Variants in CFL2 observed in about 807,000 individuals in gnomAD.
CFL2 encodes cofilin 2, also known as cofilin-2.
Under a neutral mutation model 19.6 loss-of-function variants are expected in CFL2, and 10 were observed. That is an observed-to-expected ratio of 0.51 (90% CI 0.31 to 0.86). CFL2 has a LOEUF of 0.86. CFL2 is among the 40% of genes least tolerant of loss of function. The probability of loss-of-function intolerance (pLI) is 0.04; values close to 1 mark genes in which losing one functional copy is unlikely to be tolerated. For synonymous variants in CFL2, 63 were observed against 66.7 expected, an observed-to-expected ratio of 0.95 and a Z score of 0.27; for missense variants, 125 against 192.1, an observed-to-expected ratio of 0.65 and a Z score of 2.06.
intron 1 of CFL2, 116 bp from the exon 2 acceptor site, chr14:34,713,677 G>A (rs1885397813): frequency 5.6e-6 from 9 of 1,613,228 alleles, no homozygotes; most frequent in Non-Finnish European, 7.6e-6. Context: ...ACCGTACCAT[G>A]TAAGTCGTCC....
chr14:34,714,531 G>T lies in CFL2; in HGVS notation c.3+7C>A. On this transcript the variant is annotated splice_region_variant and intron_variant, in intron 1 of 3. Transcript: ENST00000298159. ...CCGCGGCCTCCCGGCCAGCGCGCTC[G>T]TCTTACCATAGTGCCCTCGGCTGTG... The T allele has an allele frequency of 6.3e-7, 1 of 1,586,310 alleles. No individual in the cohort carries two copies.
At position 34,711,954 on chromosome 14, in the gene CFL2, T is replaced by C; in HGVS notation, c.*911A>G. On this transcript the variant is annotated 3_prime_UTR_variant, in exon 4 of 4. Coordinates refer to ENST00000298159, the MANE Select transcript of CFL2 (RefSeq NM_138638.5). Reference sequence around the variant, plus strand: ...AGATTAGTAATAGCTGTTTTTACCCTAGAAGTTGTTTCACATAACATTTTG... The same window carrying C: ...AGATTAGTAATAGCTGTTTTTACCCCAGAAGTTGTTTCACATAACATTTTG... The C allele has an allele frequency of 2.2e-6, 1 of 454,358 alleles. No individual in the cohort carries two copies. The highest frequency in any genetic ancestry group is 2.3e-5 in the Admixed American group (1 of 42,566). The allele number at this position is 454,358 out of a possible 1,614,324, so 28.1% of individuals were successfully genotyped here. A position where few individuals can be genotyped will look rare whatever the true frequency, so the allele number is the denominator to read the frequency against.
chr14:34,713,032 T>G (rs765464943), intron 3 of CFL2, 28 bp downstream of exon 3: 5 of 1,554,856 alleles, frequency 3.2e-6, no homozygotes, highest in Non-Finnish European at 4.4e-6. Flanking sequence ...AAGAATAATT[T>G]CTCTGCCCCA....
At chr14:34,714,256 C>G in intron 1 of CFL2, 1 of 445,640 alleles carries the variant, frequency 2.2e-6, no homozygotes, top group East Asian at 3.7e-5. Flanking sequence ...GCGGCGCGAG[C>G]GGCTGCAGTC....
Position 34,712,045 on chromosome 14 carries a change from A to AT in CFL2, c.*819dup, listed in dbSNP as rs1156584640. On this transcript the variant is annotated 3_prime_UTR_variant, in exon 4 of 4. Transcript: ENST00000298159. ...CCACAATTTTTATTGCAACGTGGCC[A>AT]TTTTTGTGAGGGTGGGGAGTTTGAT... 1 of 454,396 alleles carries AT rather than the reference A, an allele frequency of 2.2e-6. No homozygotes were observed. Among genetic ancestry groups the AT allele is most frequent in the Non-Finnish European group, 4.4e-6 (1 of 226,766 alleles). The allele number at this position is 454,396 out of a possible 1,614,324, so 28.1% of individuals were successfully genotyped here.
rs1594784592 is a variant in CFL2, at chr14:34,713,143, A to G, written c.312-7T>C. 3 of 743,042 alleles carry G rather than the reference A, an allele frequency of 4.0e-6. No individual in the cohort carries two copies. The highest frequency in any genetic ancestry group is 6.2e-5 in the African/African-American group (1 of 16,012). The allele number at this position is 743,042 out of a possible 1,614,324, so 46.0% of individuals were successfully genotyped here. A position where few individuals can be genotyped will look rare whatever the true frequency, so the allele number is the denominator to read the frequency against. The stretch of plus-strand genomic sequence containing the variant: ...AGGTGCACTTTCAGGAGCCCTACAG[A>G]AAAAAAAAAAATTATTGAATCCCAT... On this transcript the variant is annotated splice_region_variant and splice_polypyrimidine_tract_variant and intron_variant, in intron 2 of 3. Coordinates refer to ENST00000298159, the MANE Select transcript of CFL2 (RefSeq NM_138638.5).
At chr14:34,714,515 C>T (rs776853901) in intron 1 of CFL2, 23 bp downstream of exon 1, 10 of 1,576,424 alleles carry the variant, frequency 6.3e-6, no homozygotes, top group Non-Finnish European at 8.6e-6. Flanking sequence ...GCCGCGGCCT[C>T]CCGGCCAGCG....
In CFL2 at chr14:34,714,441, G is replaced by A. The variant is rs1885425710; in HGVS notation, c.3+97C>T. Reference sequence around the variant, plus strand: ...GCAGAGCAGAAGCGCCCACCTTGGAGGCCAAAATCAGGTTAAAATGGCGGC... The same window carrying A: ...GCAGAGCAGAAGCGCCCACCTTGGAAGCCAAAATCAGGTTAAAATGGCGGC... On this transcript the variant is annotated intron_variant, in intron 1 of 3. Transcript: ENST00000298159. 6.1e-6 allele frequency: 9 copies of A among 1,478,108 alleles called. No individual in the cohort carries two copies. The Admixed American group carries it at 7.0e-5, about 12-fold the overall frequency. 91.6% of individuals were successfully genotyped at this position (1,478,108 alleles called of 1,614,324 possible). A position where few individuals can be genotyped will look rare whatever the true frequency, so the allele number is the denominator to read the frequency against.
Position 34,713,581 on chromosome 14 carries a change from A to G in CFL2, c.4-20T>C. 2 of 1,614,070 alleles carry G rather than the reference A, an allele frequency of 1.2e-6. No individual in the cohort carries two copies. The highest frequency in any genetic ancestry group is 1.7e-6 in the Non-Finnish European group (2 of 1,179,954). ...AGAAGCCTGAAAATAAACACAGAAC[A>G]GTAATTCAGAACACGTATTTTGGTT... On this transcript the variant is annotated intron_variant, in intron 1 of 3. Coordinates refer to ENST00000298159, the MANE Select transcript of CFL2 (RefSeq NM_138638.5).
At chr14:34,714,419 G>C in intron 1 of CFL2, 119 bp downstream of exon 1, 7 of 1,428,042 alleles carry the variant, frequency 4.9e-6, no homozygotes, top group Middle Eastern at 4.9e-4. Context: ...CGGAGCCGCA[G>C]AGCAGAAGCG....
In CFL2 at chr14:34,712,509, G is replaced by A; in HGVS notation, c.*356C>T. ...AAAAAAGTTGACCATCTGACCAGTG[G>A]ATAATACTTTCAAGGCATTCAATTA... is the stretch of plus-strand genomic sequence containing the variant. On this transcript the variant is annotated 3_prime_UTR_variant, in exon 4 of 4. Coordinates refer to ENST00000298159, the MANE Select transcript of CFL2 (RefSeq NM_138638.5). 1 of 466,678 alleles carries A rather than the reference G, an allele frequency of 2.1e-6. No individual in the cohort carries two copies. Among genetic ancestry groups the A allele is most frequent in the Non-Finnish European group, 4.2e-6 (1 of 235,350 alleles). The allele number at this position is 466,678 out of a possible 1,614,324, so 28.9% of individuals were successfully genotyped here. A position where few individuals can be genotyped will look rare whatever the true frequency, so the allele number is the denominator to read the frequency against.
intron 1 of CFL2, chr14:34,714,219 A>C: frequency 2.5e-6 from 1 of 403,756 alleles, no homozygotes; most frequent in Non-Finnish European, 4.4e-6. Context: ...TCGCGTGTTA[A>C]GTAAAATTAG....
Position 34,713,496 on chromosome 14 carries a change from A to T in CFL2, c.69T>A (p.Ser23=). Residue 23 remains serine, a synonymous_variant, in exon 2 of 4, where the codon TCT becomes TCA. Coordinates refer to ENST00000298159, the MANE Select transcript of CFL2 (RefSeq NM_138638.5). The part of the protein sequence containing the change: ...KVFNDMKVRK[S]STQEEIKKRK... Reference sequence around the variant, plus strand: ...TCTTTTTGATCTCCTCTTGTGTAGAAGATTTCCTTACTTTCATATCATTAA... The same window carrying T: ...TCTTTTTGATCTCCTCTTGTGTAGATGATTTCCTTACTTTCATATCATTAA... 1 of 1,613,988 alleles carries T rather than the reference A, an allele frequency of 6.2e-7. No homozygotes were observed. The highest frequency in any genetic ancestry group is 1.1e-5 in the South Asian group (1 of 91,080).
Position 34,713,519 on chromosome 14 carries a change from T to C in CFL2, c.46A>G (p.Asn16Asp), listed in dbSNP as rs1885391147. The C allele has an allele frequency of 1.2e-6, 2 of 1,613,930 alleles. No homozygotes were observed. The highest frequency in any genetic ancestry group is 1.3e-5 in the African/African-American group (1 of 74,920). ...TVNDEVIKVF[N>D]DMKVRKSSTQ... ...GAAGATTTCCTTACTTTCATATCAT[T>C]AAAAACTTTGATGACTTCATCATTC... is the stretch of plus-strand genomic sequence containing the variant. Residue 16 changes from asparagine (N) to aspartate (D), a missense_variant, in exon 2 of 4, where the codon AAT becomes GAT. Coordinates refer to ENST00000298159, the MANE Select transcript of CFL2 (RefSeq NM_138638.5).
rs771461390 is a variant in CFL2 at position 34,712,145 on chromosome 14, T to A, written c.*720A>T. ...TGACTGATATTCAAAATATCTTTAG[T>A]GTTGCAGGACTCACATGGTAAACAT... On this transcript the variant is annotated 3_prime_UTR_variant, in exon 4 of 4. Transcript: ENST00000298159. 20 of 454,420 alleles carry A rather than the reference T, an allele frequency of 4.4e-5. No homozygotes were observed. Among genetic ancestry groups the A allele is most frequent in the Non-Finnish European group, 1.8e-5 (4 of 226,796 alleles). The allele number at this position is 454,420 out of a possible 1,614,324, so 28.1% of individuals were successfully genotyped here.
intron 1 of CFL2, 29 bp downstream of exon 1, chr14:34,714,509 C>A: frequency 1.3e-6 from 2 of 1,569,802 alleles, no homozygotes; most frequent in East Asian, 2.4e-5. Context: ...CGCCTCGCCG[C>A]GGCCTCCCGG....
intron 1 of CFL2, chr14:34,714,072 A>G: frequency 5.1e-6 from 2 of 395,060 alleles, no homozygotes; most frequent in South Asian, 3.3e-5. Flanking sequence ...TAACTGATCG[A>G]GTGTAAAAGC....
In CFL2 at chr14:34,713,141, A is replaced by G. The variant is rs2138473773; in HGVS notation, c.312-5T>C. The G allele has an allele frequency of 3.9e-6, 6 of 1,555,968 alleles. No individual in the cohort carries two copies. Among genetic ancestry groups the G allele is most frequent in the East Asian group, 2.4e-5 (1 of 42,448 alleles). On this transcript the variant is annotated splice_region_variant and splice_polypyrimidine_tract_variant and intron_variant, in intron 2 of 3. Coordinates refer to ENST00000298159, the MANE Select transcript of CFL2 (RefSeq NM_138638.5). ...AAAGGTGCACTTTCAGGAGCCCTAC[A>G]GAAAAAAAAAAAATTATTGAATCCC...
At position 34,712,498 on chromosome 14, in the gene CFL2, T is replaced by C. The variant is rs1259697477; in HGVS notation, c.*367A>G. Reference sequence around the variant, plus strand: ...AAATAATACTGAAAAAAGTTGACCATCTGACCAGTGGATAATACTTTCAAG... The same window carrying C: ...AAATAATACTGAAAAAAGTTGACCACCTGACCAGTGGATAATACTTTCAAG... On this transcript the variant is annotated 3_prime_UTR_variant, in exon 4 of 4. Coordinates refer to ENST00000298159, the MANE Select transcript of CFL2 (RefSeq NM_138638.5). The C allele has an allele frequency of 2.2e-6, 1 of 462,548 alleles. No homozygotes were observed. Among genetic ancestry groups the C allele is most frequent in the East Asian group, 6.8e-5 (1 of 14,786 alleles). 28.7% of individuals were successfully genotyped at this position (462,548 alleles called of 1,614,324 possible).
Sources: gnomAD v4.1 joint callset for allele counts on GRCh38, gnomAD v4.1.1 for gene constraint, MANE v1.5 for transcripts, NCBI Gene and HGNC (gene_info 2026-07-23, HGNC 2026-07-21) for gene names.